The following KIF6 variants were observed in gnomAD, a reference collection of about 807,000 sequenced individuals.
KIF6 encodes kinesin family member 6.
KIF6 carries 106 observed loss-of-function variants against 112.7 expected under a neutral mutation model. The observed-to-expected ratio is 0.94, with a 90% CI of 0.80 to 1.11. KIF6 has a LOEUF of 1.11. KIF6 is among the 50% of genes least tolerant of loss of function. The pLI is 0.00. For synonymous variants in KIF6, 339 were observed against 339.9 expected, an observed-to-expected ratio of 1.00 and a Z score of 0.03; for missense variants, 929 against 964.0, an observed-to-expected ratio of 0.96 and a Z score of 0.48.
chr6:39,679,403 G>T lies in KIF6; in HGVS notation c.251+35289C>A, dbSNP rs115662458. Among the ~76,000 whole-genome samples the T allele has an allele frequency of 9.8e-3, 1,495 of 152,234 alleles. 30 individuals are homozygous for T. Among genetic ancestry groups the T allele is most frequent in the African/African-American group, 0.033 (1,378 of 41,526 alleles). ...GATACCTAGAAATGGAACGGTGGGG[G>T]ACAGGGCAAGGAAGACGGAAGAAAA... On this transcript the variant is annotated intron_variant, in intron 3 of 22. Transcript: ENST00000287152.
At chr6:39,457,745 C>A (rs1212143914) in intron 13 of KIF6, among the ~76,000 whole-genome samples, 5 of 152,186 alleles carry the variant, frequency 3.3e-5, no homozygotes. Context: ...ACAAACACCT[C>A]TACACAAATA....
intron 13 of KIF6, among the ~76,000 whole-genome samples, chr6:39,455,222 G>A (rs1475000011): frequency 1.3e-5 from 2 of 151,862 alleles, no homozygotes; most frequent in Non-Finnish European, 2.9e-5. Flanking sequence ...CCTGACCCCC[G>A]AGCAGCCTAA....
rs1015239402 is a variant in KIF6, at chr6:39,333,072, A to G, written c.*3460T>C. The stretch of plus-strand genomic sequence containing the variant: ...ATGGCTGAAAACCATTGGTTTGTAT[A>G]GAGGATTTTGTCTCATTTTTAGTCA... On this transcript the variant is annotated 3_prime_UTR_variant, in exon 23 of 23. Transcript: ENST00000287152. 6.6e-6 allele frequency: 1 copy of G among 152,256 alleles called. No individual in the cohort carries two copies. The highest frequency in any genetic ancestry group is 2.4e-5 in the African/African-American group (1 of 41,470). The allele number at this position is 152,256 out of a possible 1,614,324, so 9.4% of individuals were successfully genotyped here. A position where few individuals can be genotyped will look rare whatever the true frequency, so the allele number is the denominator to read the frequency against.
At chr6:39,503,933 A>G (rs1776286320) in intron 13 of KIF6, among the ~76,000 whole-genome samples, 1 of 152,114 alleles carries the variant, frequency 6.6e-6, no homozygotes, top group South Asian at 2.1e-4. Flanking sequence ...AGGTACAAAG[A>G]AGAGCAGGTG....
chr6:39,358,903 A>C (rs746511203), intron 18 of KIF6, among the ~76,000 whole-genome samples: 9 of 152,212 alleles, frequency 5.9e-5, no homozygotes, highest in Non-Finnish European at 8.8e-5. Flanking sequence ...CATGACTTTG[A>C]AGTTATGATA....
rs961835353 is a variant in KIF6, at chr6:39,443,163, T to A, written c.1646-12002A>T. ...TAATAATAATAATAATAATAATAAA[T>A]AAAAATAAAAAAAAGAAAGAGGCTC... On this transcript the variant is annotated intron_variant, in intron 13 of 22. Transcript: ENST00000287152. Among the ~76,000 whole-genome samples the A allele has an allele frequency of 3.8e-3, 484 of 128,560 alleles. 4 individuals carry two copies. The highest frequency in any genetic ancestry group is 0.012 in the Middle Eastern group (3 of 246). 84.3% of individuals were successfully genotyped at this position (128,560 alleles called of 152,430 possible).
chr6:39,431,331 G>A, intron 13 of KIF6, 170 bp from the exon 14 acceptor site: 1 of 579,242 alleles, frequency 1.7e-6, no homozygotes, highest in Non-Finnish European at 3.1e-6. Flanking sequence ...ACAACCTGCT[G>A]AGGAGGCCCT....
At chr6:39,346,450 C>G (rs1562114067) in intron 20 of KIF6, 26 bp downstream of exon 20, 2 of 717,066 alleles carry the variant, frequency 2.8e-6, no homozygotes, top group Non-Finnish European at 2.6e-6. Context: ...AGACAGCTGT[C>G]TATGAACCGG....
At chr6:39,662,698 C>T (rs1786228237) in intron 3 of KIF6, among the ~76,000 whole-genome samples, 1 of 152,004 alleles carries the variant, frequency 6.6e-6, no homozygotes, top group South Asian at 2.1e-4. Flanking sequence ...ATATACTGAG[C>T]CCCTATCTCA....
chr6:39,541,402 C>A (rs555403210), intron 12 of KIF6, among the ~76,000 whole-genome samples: 3 of 152,334 alleles, frequency 2.0e-5, no homozygotes, highest in Non-Finnish European at 2.9e-5. Flanking sequence ...CAGAGAAGAA[C>A]AGGGCTCTGG....
intron 6 of KIF6, among the ~76,000 whole-genome samples, chr6:39,602,553 C>G (rs1782636258): frequency 6.6e-6 from 1 of 152,148 alleles, no homozygotes; most frequent in Non-Finnish European, 1.5e-5. Context: ...TTGACTCTTG[C>G]TCATTTCTTG....
At position 39,523,645 on chromosome 6, in the gene KIF6, CATATATATATATATATATATAT is replaced by C. The variant is rs56952665; in HGVS notation, c.1645+16336_1645+16357del. Among the ~76,000 whole-genome samples, 201 of 32,526 alleles carry C rather than the reference CATATATATATATATATATATAT, an allele frequency of 6.2e-3. 1 individual carries two copies. The highest frequency in any genetic ancestry group is 8.0e-3 in the South Asian group (3 of 376). 21.3% of individuals were successfully genotyped at this position (32,526 alleles called of 152,430 possible). ...TACTTCCCTCCCCTATTAATTCTGCCATATATATATATATATATATATATATATATATATATATATATATATA... is the reference window on the plus strand; with the variant it reads ...TACTTCCCTCCCCTATTAATTCTGCCATATATATATATATATATATATATA... On this transcript the variant is annotated intron_variant, in intron 13 of 22. Coordinates refer to ENST00000287152, the MANE Select transcript of KIF6 (RefSeq NM_145027.6).
At chr6:39,627,379 T>G (rs1784145743) in intron 5 of KIF6, among the ~76,000 whole-genome samples, 1 of 152,190 alleles carries the variant, frequency 6.6e-6, no homozygotes, top group African/African-American at 2.4e-5. Context: ...TATGTTATTT[T>G]ATACTAGCTT....
chr6:39,366,712 T>C (rs1455215681), intron 16 of KIF6, among the ~76,000 whole-genome samples: 1 of 151,778 alleles, frequency 6.6e-6, no homozygotes, highest in African/African-American at 2.4e-5. Context: ...CTAACAACAA[T>C]GAGAAGGCCA....
intron 13 of KIF6, among the ~76,000 whole-genome samples, chr6:39,499,383 A>T (rs565557600): frequency 1.3e-5 from 2 of 152,126 alleles, no homozygotes; most frequent in African/African-American, 4.8e-5. Flanking sequence ...GAAGAGGCAA[A>T]AGCATGAGCC....
rs1212794740 is a variant in KIF6 at position 39,346,085 on chromosome 6, T to TCTCTCTCTCC, written c.2232-297_2232-296insGGAGAGAGAG. Among the ~76,000 whole-genome samples the TCTCTCTCTCC allele has an allele frequency of 1.4e-3, 30 of 21,590 alleles. 5 individuals are homozygous for TCTCTCTCTCC. Among genetic ancestry groups the TCTCTCTCTCC allele is most frequent in the South Asian group, 8.5e-3 (4 of 470 alleles). The allele number at this position is 21,590 out of a possible 152,430, so 14.2% of individuals were successfully genotyped here. A position where few individuals can be genotyped will look rare whatever the true frequency, so the allele number is the denominator to read the frequency against. On this transcript the variant is annotated intron_variant, in intron 20 of 22. Transcript: ENST00000287152. ...CTCTCTCTCTCTCTCTCTCTCTCTC[T>TCTCTCTCTCC]CCCCCCCCTCTCCCTCCCCCCCTCC...
chr6:39,340,161 C>T (rs764960768), intron 22 of KIF6, among the ~76,000 whole-genome samples: 39 of 152,186 alleles, frequency 2.6e-4, no homozygotes, highest in Non-Finnish European at 4.1e-4. Context: ...AGAGGGACCC[C>T]GTGTCAACCT....
At chr6:39,586,836 T>G (rs985331628) in intron 7 of KIF6, among the ~76,000 whole-genome samples, 1 of 152,166 alleles carries the variant, frequency 6.6e-6, no homozygotes, top group Admixed American at 6.5e-5. Flanking sequence ...CAGATTCTCA[T>G]GCAAGATTGT....
intron 10 of KIF6, among the ~76,000 whole-genome samples, chr6:39,571,727 C>T (rs978851044): frequency 2.6e-5 from 4 of 152,176 alleles, no homozygotes; most frequent in African/African-American, 9.7e-5. Context: ...ATGAGGTCAC[C>T]ATTCATCTGT....
Sources: gnomAD v4.1 joint callset for allele counts (sites outside exome capture counted in the v4.1 genomes callset) on GRCh38, gnomAD v4.1.1 for gene constraint, MANE v1.5 for transcripts, NCBI Gene and HGNC (gene_info 2026-07-23, HGNC 2026-07-21) for gene names.